CACNA2D1: variants seen among roughly 807,000 people sequenced by gnomAD.
CACNA2D1 encodes the protein calcium voltage-gated channel auxiliary subunit alpha2delta 1.
Under a neutral mutation model 171.5 loss-of-function variants are expected in CACNA2D1, and 53 were observed. That is an observed-to-expected ratio of 0.31 (90% CI 0.25 to 0.39). The LOEUF (loss-of-function observed/expected upper bound fraction) is 0.39. Ranked by LOEUF, CACNA2D1 falls within the 10% of genes least tolerant of loss-of-function variation. CACNA2D1 has a pLI of 1.00. For synonymous variants in CACNA2D1, 442 were observed against 443.1 expected (o/e 1.00, Z 0.03); for missense variants, 903 against 1,299.8 (o/e 0.69, Z 4.69).
chr7:82,298,989 G>A (rs1812642808), intron 3 of CACNA2D1, among the ~76,000 whole-genome samples: 1 of 151,400 alleles, frequency 6.6e-6, no homozygotes, highest in Non-Finnish European at 1.5e-5. Flanking sequence ...TTTGAACCGG[G>A]GAGGCAGAGG....
intron 3 of CACNA2D1, among the ~76,000 whole-genome samples, chr7:82,206,449 C>A (rs934986260): frequency 1.3e-5 from 2 of 152,076 alleles, no homozygotes; most frequent in Middle Eastern, 6.4e-3. Flanking sequence ...TATTTTACTT[C>A]CTACTTCATC....
In CACNA2D1 at chr7:81,959,259, A is replaced by G. The variant is rs1310097590; in HGVS notation, c.3159+16T>C. 1.3e-6 allele frequency: 2 copies of G among 1,537,556 alleles called. No homozygotes were observed. Among genetic ancestry groups the G allele is most frequent in the African/African-American group, 2.7e-5 (2 of 73,558 alleles). ...TTAATTTATAGTATTTTAATCCAGT[A>G]GAAGTGTGATCTTACCAAGACATTG... is the stretch of plus-strand genomic sequence containing the variant. On this transcript the variant is annotated intron_variant, in intron 38 of 38. Coordinates refer to ENST00000356860, the MANE Select transcript of CACNA2D1 (RefSeq NM_000722.4).
intron 3 of CACNA2D1, among the ~76,000 whole-genome samples, chr7:82,201,486 C>A (rs776462542): frequency 6.6e-6 from 1 of 152,176 alleles, no homozygotes; most frequent in Non-Finnish European, 1.5e-5. Context: ...TTAGCAAATA[C>A]ACTGGATTAT....
chr7:82,145,769 TAATAA>T (rs1202612356), intron 4 of CACNA2D1, among the ~76,000 whole-genome samples: 1 of 150,224 alleles, frequency 6.7e-6, no homozygotes, highest in Non-Finnish European at 1.5e-5. Flanking sequence ...ATAGTTTACA[TAATAA>T]AATAGTTAAT....
At chr7:82,333,457 C>G (rs1432237994) in intron 3 of CACNA2D1, among the ~76,000 whole-genome samples, 1 of 149,692 alleles carries the variant, frequency 6.7e-6, no homozygotes, top group South Asian at 2.1e-4. Context: ...TGACGGAAGG[C>G]AAAGGAGGAG....
At chr7:82,398,066 T>C (rs1184432415) in intron 1 of CACNA2D1, among the ~76,000 whole-genome samples, 3 of 152,306 alleles carry the variant, frequency 2.0e-5, no homozygotes, top group Admixed American at 2.0e-4. Flanking sequence ...GTCCAACTAC[T>C]CTTTCGTCTG....
intron 3 of CACNA2D1, among the ~76,000 whole-genome samples, chr7:82,224,104 T>C (rs1216474662): frequency 1.3e-5 from 2 of 152,182 alleles, no homozygotes; most frequent in Non-Finnish European, 1.5e-5. Flanking sequence ...CCAGTCACTA[T>C]GTTTTATTCA....
In CACNA2D1 at chr7:81,961,884, A is replaced by C; in HGVS notation, c.2966+10T>G. 1.3e-6 allele frequency: 2 copies of C among 1,599,258 alleles called. No homozygotes were observed. The highest frequency in any genetic ancestry group is 8.6e-7 in the Non-Finnish European group (1 of 1,167,262). ...ATGAAATAGGACTACTCCTGAAATA[A>C]ATAAATTACCTGGAACAGTTTCCAC... On this transcript the variant is annotated intron_variant, in intron 36 of 38. Transcript: ENST00000356860.
chr7:82,322,190 G>T (rs1259682534), intron 3 of CACNA2D1, among the ~76,000 whole-genome samples: 1 of 147,644 alleles, frequency 6.8e-6, no homozygotes, highest in Non-Finnish European at 1.5e-5. Flanking sequence ...TTACAATTGT[G>T]GAAGCTTAAT....
At chr7:82,149,796 A>AAG (rs1554432060) in intron 4 of CACNA2D1, among the ~76,000 whole-genome samples, 7 of 136,808 alleles carry the variant, frequency 5.1e-5, no homozygotes, top group African/African-American at 1.8e-4. Context: ...ACAAACAACA[A>AAG]AAAAAAAAAC....
At chr7:82,269,875 G>A (rs1388988107) in intron 3 of CACNA2D1, among the ~76,000 whole-genome samples, 2 of 152,050 alleles carry the variant, frequency 1.3e-5, no homozygotes, top group African/African-American at 2.4e-5. Context: ...GATGAACAAT[G>A]TTACCAACAG....
chr7:82,062,611 TAA>T (rs1807068878), intron 9 of CACNA2D1, among the ~76,000 whole-genome samples: 1 of 146,084 alleles, frequency 6.8e-6, no homozygotes, highest in Non-Finnish European at 1.5e-5. Context: ...TTTTTTTTTT[TAA>T]TATACTTTAA....
chr7:82,114,760 G>GAAAAA (rs34240770), intron 6 of CACNA2D1, among the ~76,000 whole-genome samples: 37 of 103,052 alleles, frequency 3.6e-4, no homozygotes, highest in African/African-American at 4.0e-4. Flanking sequence ...CGTCCCAGAA[G>GAAAAA]AAAAAAAAAA....
At chr7:82,154,915 G>T (rs1357002086) in intron 4 of CACNA2D1, among the ~76,000 whole-genome samples, 1 of 152,118 alleles carries the variant, frequency 6.6e-6, no homozygotes, top group Non-Finnish European at 1.5e-5. Flanking sequence ...AATCCTCAGT[G>T]TTGGAGATGG....
intron 3 of CACNA2D1, among the ~76,000 whole-genome samples, chr7:82,221,689 A>G (rs1040487400): frequency 6.6e-6 from 1 of 151,698 alleles, no homozygotes; most frequent in Admixed American, 6.6e-5. Context: ...GGTTGCAGTG[A>G]GCCAAGATCC....
chr7:82,030,407 GAA>G (rs71520796), intron 12 of CACNA2D1, among the ~76,000 whole-genome samples: 1 of 142,160 alleles, frequency 7.0e-6, no homozygotes. Flanking sequence ...TCCGAAACAG[GAA>G]AAAAAAAAAC....
rs1822837108 is a variant in CACNA2D1, at chr7:82,374,838, C to T, written c.96-25189G>A. ...AAGAATTCTTTCCCCTGGCAACACC[C>T]CTCTTGGATATGTAGATTGTATCTG... On this transcript the variant is annotated intron_variant, in intron 1 of 38. Coordinates refer to ENST00000356860, the MANE Select transcript of CACNA2D1 (RefSeq NM_000722.4). 6.6e-5 allele frequency among the ~76,000 whole-genome samples: 10 copies of T among 151,874 alleles called. No individual in the cohort carries two copies. In the South Asian group the frequency reaches 2.1e-3, roughly 32 times the overall value.
chr7:82,185,903 T>A (rs142997410), intron 3 of CACNA2D1, among the ~76,000 whole-genome samples: 2,123 of 152,122 alleles, frequency 0.014, 52 homozygotes, highest in African/African-American at 0.048. Context: ...ACACCTGTAG[T>A]CCCAGCACTT....
At chr7:81,980,449 T>C (rs1322585551) in intron 24 of CACNA2D1, among the ~76,000 whole-genome samples, 1 of 152,134 alleles carries the variant, frequency 6.6e-6, no homozygotes. Flanking sequence ...GGATGTAGTT[T>C]GATGGTCCAT....
Sources: allele counts gnomAD v4.1 joint callset (sites outside exome capture counted in the v4.1 genomes callset), GRCh38; gene constraint gnomAD v4.1.1; transcripts MANE v1.5; gene names NCBI Gene and HGNC (gene_info 2026-07-23, HGNC 2026-07-21).